The following PRKAG2 variants were observed in gnomAD, a reference collection of about 807,000 sequenced individuals.
The protein encoded by PRKAG2 is protein kinase AMP-activated non-catalytic subunit gamma 2.
In PRKAG2, 26 loss-of-function variants were observed where a neutral mutation model predicts 69.6. That is an observed-to-expected ratio of 0.37 (90% CI 0.27 to 0.52). The LOEUF (loss-of-function observed/expected upper bound fraction) is 0.52, where lower values mean the gene tolerates loss of function less well. Among genes scored for constraint, PRKAG2 ranks in the 20% least tolerant of loss-of-function variants. The probability of loss-of-function intolerance (pLI) is 0.90; values close to 1 mark genes in which losing one functional copy is unlikely to be tolerated. For missense variants in PRKAG2, 557 were observed against 740.0 expected, an observed-to-expected ratio of 0.75 and a Z score of 2.87; for synonymous variants, 293 against 285.0, an observed-to-expected ratio of 1.03 and a Z score of -0.28.
intron 3 of PRKAG2, among the ~76,000 whole-genome samples, chr7:151,774,231 G>A (rs947796331): frequency 6.6e-6 from 1 of 152,098 alleles, no homozygotes; most frequent in Non-Finnish European, 1.5e-5. Flanking sequence ...GTTAGTGAAA[G>A]ACTACGGCAA....
chr7:151,565,351 C>A lies in PRKAG2; in HGVS notation c.1432G>T (p.Val478Leu). The A allele has an allele frequency of 7.2e-7, 1 of 1,393,238 alleles. No individual in the cohort carries two copies. Among genetic ancestry groups the A allele is most frequent in the Non-Finnish European group, 1.0e-6 (1 of 1,000,290 alleles). The allele number at this position is 1,393,238 out of a possible 1,614,324, so 86.3% of individuals were successfully genotyped here. A position where few individuals can be genotyped will look rare whatever the true frequency, so the allele number is the denominator to read the frequency against. The change falls in exon 13 of 16, where the codon GTA becomes TTA. Residue 478 changes from valine (V) to leucine (L), a missense_variant. Transcript: ENST00000287878. ...KVVDIYSKFD[V>L]INLAAEKTYN... ...AACAAAATTAAAATACTTACAATTA[C>A]ATCAAATTTGGAATAAATATCTACA...
In PRKAG2 at chr7:151,781,070, C is replaced by T. The variant is rs2076642632; in HGVS notation, c.466+82G>A. 6.4e-6 allele frequency: 10 copies of T among 1,574,760 alleles called. No homozygotes were observed. Among genetic ancestry groups the T allele is most frequent in the South Asian group, 5.6e-5 (5 of 89,764 alleles). On this transcript the variant is annotated intron_variant, in intron 3 of 15. Coordinates refer to ENST00000287878, the MANE Select transcript of PRKAG2 (RefSeq NM_016203.4). The surrounding 1 kb of genome is among the most constrained non-coding windows in gnomAD (Gnocchi z 6.1). Reference sequence around the variant, plus strand: ...GCTGCTCACAGCCACCTGGCAGCTTCGGTGCCACCGTGGATGTGTGGCTGC... The same window carrying T: ...GCTGCTCACAGCCACCTGGCAGCTTTGGTGCCACCGTGGATGTGTGGCTGC...
At chr7:151,786,412 G>C (rs978124578) in intron 2 of PRKAG2, 58 bp downstream of exon 2, 4 of 1,500,384 alleles carry the variant, frequency 2.7e-6, no homozygotes, top group African/African-American at 1.4e-5. Flanking sequence ...CTCAGGCTCT[G>C]CCTGCCTCCG....
chr7:151,844,212 T>C (rs2079376327), intron 1 of PRKAG2, among the ~76,000 whole-genome samples: 1 of 152,164 alleles, frequency 6.6e-6, no homozygotes, highest in African/African-American at 2.4e-5. Context: ...CAGAGACTGG[T>C]CACTCACTAC....
Position 151,876,487 on chromosome 7 carries a change from G to A in PRKAG2, c.114+20C>T, listed in dbSNP as rs113978561. On this transcript the variant is annotated intron_variant, in intron 1 of 15. Coordinates refer to ENST00000287878, the MANE Select transcript of PRKAG2 (RefSeq NM_016203.4). The stretch of plus-strand genomic sequence containing the variant: ...GCGACAGGAGGGCTGGGGAGCAGGG[G>A]ACCGAGTGCTGGGACTCACCGGAAT... The A allele has an allele frequency of 1.1e-5, 17 of 1,595,910 alleles. No individual in the cohort carries two copies. The highest frequency in any genetic ancestry group is 9.4e-5 in the African/African-American group (7 of 74,826).
At chr7:151,575,279 T>C (rs932252422) in intron 7 of PRKAG2, among the ~76,000 whole-genome samples, 1 of 152,230 alleles carries the variant, frequency 6.6e-6, no homozygotes, top group Non-Finnish European at 1.5e-5. Flanking sequence ...TACTTTAAGA[T>C]AAAGTATTCC....
At chr7:151,599,564 G>A (rs896697782) in intron 5 of PRKAG2, among the ~76,000 whole-genome samples, 6 of 152,166 alleles carry the variant, frequency 3.9e-5, no homozygotes, top group African/African-American at 1.4e-4. Context: ...CACTGGGGGT[G>A]GTAGTGGGTG....
rs74760303 is a variant in PRKAG2, at chr7:151,868,160, T to G, written c.114+8347A>C. 3.2e-3 allele frequency among the ~76,000 whole-genome samples: 486 copies of G among 152,292 alleles called. 3 individuals are homozygous for G. Among genetic ancestry groups the G allele is most frequent in the African/African-American group, 0.011 (469 of 41,562 alleles). On this transcript the variant is annotated intron_variant, in intron 1 of 15. Transcript: ENST00000287878. ...CGATTGGTCCGTGACCAGCCATGGGTTGGCAGAGAGGGCTTCCTGTCAACA... is the reference window on the plus strand; with the variant it reads ...CGATTGGTCCGTGACCAGCCATGGGGTGGCAGAGAGGGCTTCCTGTCAACA...
intron 3 of PRKAG2, among the ~76,000 whole-genome samples, chr7:151,765,056 A>C (rs1207695870): frequency 2.0e-5 from 3 of 152,214 alleles, no homozygotes; most frequent in African/African-American, 7.2e-5. Flanking sequence ...ACAGTTCTGG[A>C]GGCTGGGAGC....
intron 1 of PRKAG2, among the ~76,000 whole-genome samples, chr7:151,841,755 AATGGTAGTGATGGTAGGTAGTGATG>A (rs2079297143): frequency 8.9e-6 from 1 of 112,824 alleles, no homozygotes; most frequent in Non-Finnish European, 1.8e-5. Flanking sequence ...AGTAGGTAGT[AATGGTAGTGATGGTAGGTAGTGATG>A]ATGGTAGTGA....
chr7:151,868,168 G>A (rs1029330497), intron 1 of PRKAG2, among the ~76,000 whole-genome samples: 1 of 152,274 alleles, frequency 6.6e-6, no homozygotes, highest in Non-Finnish European at 1.5e-5. Context: ...GGTTGGCAGA[G>A]AGGGCTTCCT....
At chr7:151,604,868 C>T (rs946414816) in intron 5 of PRKAG2, among the ~76,000 whole-genome samples, 2 of 152,106 alleles carry the variant, frequency 1.3e-5, no homozygotes, top group Non-Finnish European at 2.9e-5. Context: ...TGATGAGGCA[C>T]TTTGGAGGAT....
intron 1 of PRKAG2, among the ~76,000 whole-genome samples, chr7:151,833,168 A>G (rs887439948): frequency 6.6e-6 from 1 of 152,242 alleles, no homozygotes; most frequent in Admixed American, 6.5e-5. Flanking sequence ...TCAGTGCAAC[A>G]GAGAGCGCGT....
In PRKAG2 at chr7:151,850,243, A is replaced by C. The variant is rs1268341256; in HGVS notation, c.114+26264T>G. On this transcript the variant is annotated intron_variant, in intron 1 of 15. Coordinates refer to ENST00000287878, the MANE Select transcript of PRKAG2 (RefSeq NM_016203.4). This position sits in a 1 kb window ranked among gnomAD's most constrained non-coding sequence, Gnocchi z 4.1. ...CAGTGGGTGTGAACCGGGTGGGCCC[A>C]GGAGAAACCTGGAGGTACAGTCCCC... Among the ~76,000 whole-genome samples, 1 of 152,248 alleles carries C rather than the reference A, an allele frequency of 6.6e-6. No individual in the cohort carries two copies. The highest frequency in any genetic ancestry group is 1.5e-5 in the Non-Finnish European group (1 of 68,042).
chr7:151,876,382 A>G, intron 1 of PRKAG2, 125 bp downstream of exon 1: 1 of 962,956 alleles, frequency 1.0e-6, no homozygotes, highest in Non-Finnish European at 1.6e-6. Context: ...CCTTTCCCCA[A>G]GCCGCCCGAA....
chr7:151,645,658 G>C (rs1048108986), intron 4 of PRKAG2, among the ~76,000 whole-genome samples: 1 of 152,156 alleles, frequency 6.6e-6, no homozygotes, highest in African/African-American at 2.4e-5. Context: ...CTCTCCTTCT[G>C]TGGCTTGCCT....
chr7:151,706,315 T>C (rs976910397), intron 3 of PRKAG2, among the ~76,000 whole-genome samples: 3 of 152,202 alleles, frequency 2.0e-5, no homozygotes, highest in African/African-American at 7.2e-5. Context: ...TAATGACTAG[T>C]TGCAATCAAG....
intron 1 of PRKAG2, among the ~76,000 whole-genome samples, chr7:151,827,533 C>T (rs2078928852): frequency 6.6e-6 from 1 of 152,076 alleles, no homozygotes; most frequent in South Asian, 2.1e-4. Context: ...GCCACTGCAC[C>T]CAGCCGGAAC....
chr7:151,822,702 CTG>C (rs2078816297), intron 1 of PRKAG2, among the ~76,000 whole-genome samples: 6 of 152,276 alleles, frequency 3.9e-5, no homozygotes, highest in African/African-American at 1.4e-4. Flanking sequence ...TTCCCAAGCT[CTG>C]ACAGACACGC....
Sources: allele counts gnomAD v4.1 joint callset (sites outside exome capture counted in the v4.1 genomes callset), GRCh38; gene constraint gnomAD v4.1.1; non-coding constraint Gnocchi (gnomAD v3.1); transcripts MANE v1.5; gene names NCBI Gene and HGNC (gene_info 2026-07-23, HGNC 2026-07-21).